KCTD8: variants seen among roughly 807,000 people sequenced by gnomAD.
KCTD8 encodes BTB/POZ domain-containing protein KCTD8.
In KCTD8, 27 loss-of-function variants were observed where a neutral mutation model predicts 31.5. The observed-to-expected ratio is 0.86, with a 90% CI of 0.63 to 1.18. The LOEUF is 1.18. Ranked by LOEUF, KCTD8 falls within the 50% of genes most tolerant of loss-of-function variation. KCTD8 has a pLI of 0.00. For synonymous variants in KCTD8, 290 were observed against 280.0 expected (o/e 1.04, Z -0.36); for missense variants, 658 against 647.7 (o/e 1.02, Z -0.17).
In KCTD8 at chr4:44,406,396, T is replaced by C. The variant is rs1040209333; in HGVS notation, c.961+41167A>G. 3.9e-5 allele frequency among the ~76,000 whole-genome samples: 6 copies of C among 152,140 alleles called. No homozygotes were observed. In the East Asian group the frequency reaches 7.7e-4, roughly 20 times the overall value. On this transcript the variant is annotated intron_variant, in intron 1 of 1. Coordinates refer to ENST00000360029, the MANE Select transcript of KCTD8 (RefSeq NM_198353.3). ...CCCACCTGTTGTGGGAGGGTCCAGG[T>C]GGGAGATAATTTGATTCATGGGGGT...
chr4:44,359,280 GT>G (rs963213858), intron 1 of KCTD8, among the ~76,000 whole-genome samples: 11 of 147,464 alleles, frequency 7.5e-5, no homozygotes, highest in Admixed American at 1.4e-4. Context: ...TTCTTCTAGG[GT>G]TTTTTTTTTA....
rs773798880 is a variant in KCTD8, at chr4:44,448,081, G to A, written c.443C>T (p.Pro148Leu). ...GAGAGAGTTCTGCTTGGTGACCTTG[G>A]GCGACAGCAGCTTGACCAAGTCGGT... ...QLTDLVKLLSPKVTKQNSLND... is the reference protein window; with the variant it reads ...QLTDLVKLLSLKVTKQNSLND... The change falls in exon 1 of 2, where the codon CCC (proline) becomes CTC (leucine). Residue 148 changes from proline (P) to leucine (L), a missense_variant. Physicochemically the swap from Pro to Leu is moderately conservative, Grantham distance 98. Coordinates refer to ENST00000360029, the MANE Select transcript of KCTD8 (RefSeq NM_198353.3). This position sits in a 1 kb window ranked among gnomAD's most constrained non-coding sequence, Gnocchi z 4.1. The A allele has an allele frequency of 4.3e-6, 7 of 1,612,582 alleles. No homozygotes were observed. Among genetic ancestry groups the A allele is most frequent in the Non-Finnish European group, 5.9e-6 (7 of 1,179,814 alleles).
At chr4:44,215,972 A>G (rs149725623) in intron 1 of KCTD8, among the ~76,000 whole-genome samples, 66 of 152,338 alleles carry the variant, frequency 4.3e-4, no homozygotes, top group African/African-American at 1.5e-3. Context: ...GCAACTGCTA[A>G]TATTCACTGA....
At chr4:44,229,710 T>C (rs1188783205) in intron 1 of KCTD8, among the ~76,000 whole-genome samples, 1 of 152,140 alleles carries the variant, frequency 6.6e-6, no homozygotes, top group African/African-American at 2.4e-5. Flanking sequence ...TTTTTTCTTC[T>C]TCAGGAAGGT....
intron 1 of KCTD8, among the ~76,000 whole-genome samples, chr4:44,312,574 T>C (rs569729388): frequency 2.4e-4 from 36 of 152,140 alleles, no homozygotes; most frequent in Non-Finnish European, 4.9e-4. Flanking sequence ...GTATACACAC[T>C]GATGCACCTG....
At chr4:44,198,681 T>C (rs974210824) in intron 1 of KCTD8, among the ~76,000 whole-genome samples, 2 of 151,830 alleles carry the variant, frequency 1.3e-5, no homozygotes, top group African/African-American at 2.4e-5. Flanking sequence ...AAACAAAAGA[T>C]CAATACTTGC....
At chr4:44,295,555 A>C (rs1717405214) in intron 1 of KCTD8, among the ~76,000 whole-genome samples, 1 of 152,076 alleles carries the variant, frequency 6.6e-6, no homozygotes, top group Non-Finnish European at 1.5e-5. Flanking sequence ...TTTGTACCTG[A>C]GTATATTTAT....
chr4:44,189,583 A>C (rs1050533026), intron 1 of KCTD8, among the ~76,000 whole-genome samples: 14 of 152,108 alleles, frequency 9.2e-5, no homozygotes, highest in Non-Finnish European at 1.9e-4. Context: ...TGTTCCCATA[A>C]GACTCCATTT....
chr4:44,272,083 A>G (rs1277248073), intron 1 of KCTD8, among the ~76,000 whole-genome samples: 1 of 150,240 alleles, frequency 6.7e-6, no homozygotes, highest in Non-Finnish European at 1.5e-5. Flanking sequence ...GTGTCAACAC[A>G]TAGTAGAGGT....
At chr4:44,186,498 T>C (rs1472349553) in intron 1 of KCTD8, among the ~76,000 whole-genome samples, 1 of 152,206 alleles carries the variant, frequency 6.6e-6, no homozygotes, top group Non-Finnish European at 1.5e-5. Flanking sequence ...GAGGGTCTAA[T>C]TGAGCTGATT....
chr4:44,405,856 T>C (rs1720782534), intron 1 of KCTD8, among the ~76,000 whole-genome samples: 1 of 149,832 alleles, frequency 6.7e-6, no homozygotes, highest in Non-Finnish European at 1.5e-5. Flanking sequence ...AATAGTACTG[T>C]TTTGTTTATC....
intron 1 of KCTD8, among the ~76,000 whole-genome samples, chr4:44,382,923 C>T (rs1333942816): frequency 1.3e-5 from 2 of 151,656 alleles, no homozygotes; most frequent in East Asian, 3.9e-4. Context: ...GAAGACTCTA[C>T]CAAAAAGCTC....
intron 1 of KCTD8, among the ~76,000 whole-genome samples, chr4:44,182,071 G>C (rs920656535): frequency 1.3e-5 from 2 of 152,068 alleles, no homozygotes; most frequent in African/African-American, 4.8e-5. Flanking sequence ...CACCCCGTCT[G>C]AGAAGTGAGG....
At chr4:44,314,332 T>C (rs1718045968) in intron 1 of KCTD8, among the ~76,000 whole-genome samples, 1 of 152,154 alleles carries the variant, frequency 6.6e-6, no homozygotes, top group African/African-American at 2.4e-5. Flanking sequence ...TGGTGGTAGT[T>C]AGATATATTA....
Position 44,260,691 on chromosome 4 carries a change from A to G in KCTD8, c.962-85441T>C, listed in dbSNP as rs569341511. Among the ~76,000 whole-genome samples, 57 of 152,092 alleles carry G rather than the reference A, an allele frequency of 3.7e-4. 1 individual carries two copies. Among genetic ancestry groups the G allele is most frequent in the Admixed American group, 2.4e-3 (37 of 15,242 alleles). On this transcript the variant is annotated intron_variant, in intron 1 of 1. Coordinates refer to ENST00000360029, the MANE Select transcript of KCTD8 (RefSeq NM_198353.3). ...CGTTTAGAATTTTCAAAAACAACAA[A>G]AAGATCAAGGTGGCTGGAGTTAAGT...
intron 1 of KCTD8, among the ~76,000 whole-genome samples, chr4:44,268,359 A>C (rs1209782011): frequency 6.6e-6 from 1 of 151,928 alleles, no homozygotes; most frequent in African/African-American, 2.4e-5. Context: ...CATGCTAAAA[A>C]CTCTCAAGAA....
chr4:44,405,847 A>C (rs2109459983), intron 1 of KCTD8, among the ~76,000 whole-genome samples: 1 of 150,434 alleles, frequency 6.6e-6, no homozygotes, highest in Admixed American at 6.6e-5. Flanking sequence ...AAAAAAAGCA[A>C]TAGTACTGTT....
At position 44,447,281 on chromosome 4, in the gene KCTD8, G is replaced by A. The variant is rs146665168; in HGVS notation, c.961+282C>T. Among the ~76,000 whole-genome samples the A allele has an allele frequency of 2.4e-3, 373 of 152,366 alleles. 2 individuals carry two copies. The highest frequency in any genetic ancestry group is 8.2e-3 in the African/African-American group (342 of 41,596). On this transcript the variant is annotated intron_variant, in intron 1 of 1. Transcript: ENST00000360029. ...AGGAGACCCTGGCATCTGGGAGCGGGCTGGGCCGAGAAGGCAAGATCAATA... is the reference window on the plus strand; with the variant it reads ...AGGAGACCCTGGCATCTGGGAGCGGACTGGGCCGAGAAGGCAAGATCAATA...
intron 1 of KCTD8, among the ~76,000 whole-genome samples, chr4:44,356,757 C>A (rs1560434667): frequency 6.6e-6 from 1 of 152,104 alleles, no homozygotes. Flanking sequence ...CAGGTGTGAG[C>A]CACCGTGCTT....
Sources: allele counts gnomAD v4.1 joint callset (sites outside exome capture counted in the v4.1 genomes callset), GRCh38; gene constraint gnomAD v4.1.1; non-coding constraint Gnocchi (gnomAD v3.1); transcripts MANE v1.5; gene names NCBI Gene and HGNC (gene_info 2026-07-23, HGNC 2026-07-21).